The following GRM7 variants were observed in gnomAD, a reference collection of about 807,000 sequenced individuals.
The protein encoded by GRM7 is metabotropic glutamate receptor 7.
A neutral mutation model predicts 84.5 loss-of-function variants in GRM7; 35 were observed. The ratio of observed to expected loss-of-function variants is 0.41; its 90% CI spans 0.32 to 0.55. The LOEUF (loss-of-function observed/expected upper bound fraction) is 0.55. Ranked by LOEUF, GRM7 falls within the 20% of genes least tolerant of loss-of-function variation. The probability of loss-of-function intolerance (pLI) is 0.19; values close to 1 mark genes in which losing one functional copy is unlikely to be tolerated. For synonymous variants in GRM7, 487 were observed against 455.1 expected (o/e 1.07, Z -0.89); for missense variants, 1,003 against 1,194.6 (o/e 0.84, Z 2.36).
chr3:7,241,059 G>A (rs1697541641), intron 2 of GRM7, among the ~76,000 whole-genome samples: 1 of 152,100 alleles, frequency 6.6e-6, no homozygotes, highest in Non-Finnish European at 1.5e-5. Flanking sequence ...TCATGGTACA[G>A]CACTCAGAAC....
In GRM7 at chr3:7,070,604, T is replaced by C. The variant is rs1028641226; in HGVS notation, c.520-75848T>C. 2.0e-5 allele frequency among the ~76,000 whole-genome samples: 3 copies of C among 152,214 alleles called. No homozygotes were observed. The East Asian group carries it at 5.8e-4, about 30-fold the overall frequency. ...GAAATATCCGGATGACAATTTTTTT[T>C]AAAGTCACTACGGGGATATAACGGA... On this transcript the variant is annotated intron_variant, in intron 1 of 9. Transcript: ENST00000357716.
At chr3:7,406,432 G>A (rs571406167) in intron 4 of GRM7, among the ~76,000 whole-genome samples, 5 of 150,620 alleles carry the variant, frequency 3.3e-5, no homozygotes, top group East Asian at 3.9e-4. Flanking sequence ...CCCGGGGGAC[G>A]GAGCTTGCAG....
intron 6 of GRM7, among the ~76,000 whole-genome samples, chr3:7,461,287 TA>T (rs1698236642): frequency 1.3e-5 from 2 of 152,188 alleles, no homozygotes; most frequent in African/African-American, 4.8e-5. Flanking sequence ...AATTAATGCA[TA>T]TAGGTTTTAT....
intron 7 of GRM7, among the ~76,000 whole-genome samples, chr3:7,509,976 G>C (rs1700149540): frequency 6.6e-6 from 1 of 152,188 alleles, no homozygotes; most frequent in African/African-American, 2.4e-5. Flanking sequence ...ACATAAGCCA[G>C]TGTTATCTGT....
At chr3:7,551,376 A>T (rs1211897112) in intron 7 of GRM7, among the ~76,000 whole-genome samples, 1 of 152,114 alleles carries the variant, frequency 6.6e-6, no homozygotes, top group Non-Finnish European at 1.5e-5. Context: ...ACCCTGTGGG[A>T]ATTGAGACTT....
intron 1 of GRM7, among the ~76,000 whole-genome samples, chr3:7,047,439 C>T (rs777314183): frequency 7.2e-5 from 11 of 151,984 alleles, no homozygotes; most frequent in African/African-American, 1.4e-4. Flanking sequence ...TTAATGGAGT[C>T]GTATAGTCCA....
At chr3:7,495,976 G>A (rs1413456548) in intron 7 of GRM7, among the ~76,000 whole-genome samples, 1 of 152,196 alleles carries the variant, frequency 6.6e-6, no homozygotes, top group Non-Finnish European at 1.5e-5. Flanking sequence ...CTTGTCCAGA[G>A]AGAAAGTATA....
intron 1 of GRM7, among the ~76,000 whole-genome samples, chr3:7,055,751 C>T (rs1160771044): frequency 1.3e-5 from 2 of 151,864 alleles, no homozygotes; most frequent in African/African-American, 4.8e-5. Flanking sequence ...AAACTCCTGG[C>T]CTCAAACAAT....
At chr3:7,730,630 T>C (rs1483784356) in intron 9 of GRM7, among the ~76,000 whole-genome samples, 1 of 152,192 alleles carries the variant, frequency 6.6e-6, no homozygotes, top group East Asian at 1.9e-4. Flanking sequence ...TATCCAAAAA[T>C]AGCAAGACCT....
intron 2 of GRM7, among the ~76,000 whole-genome samples, chr3:7,200,348 G>T (rs1201307110): frequency 6.6e-6 from 1 of 152,202 alleles, no homozygotes; most frequent in South Asian, 2.1e-4. Context: ...ATCCAGGGAA[G>T]GGGGTTGGGA....
At chr3:7,209,537 G>A (rs774457955) in intron 2 of GRM7, among the ~76,000 whole-genome samples, 5 of 152,184 alleles carry the variant, frequency 3.3e-5, no homozygotes, top group African/African-American at 4.8e-5. Flanking sequence ...TTGATTGAAA[G>A]CTTTAAAAGA....
At chr3:7,265,978 G>A (rs910591374) in intron 2 of GRM7, among the ~76,000 whole-genome samples, 4 of 152,120 alleles carry the variant, frequency 2.6e-5, no homozygotes. Context: ...CAAGACTGTG[G>A]TCAGTGCTGG....
intron 2 of GRM7, among the ~76,000 whole-genome samples, chr3:7,166,877 A>G (rs1378275001): frequency 6.6e-6 from 1 of 152,194 alleles, no homozygotes; most frequent in Non-Finnish European, 1.5e-5. Flanking sequence ...GCTTTAGGAA[A>G]TGAATAAAAT....
At chr3:6,976,523 T>A (rs1267186036) in intron 1 of GRM7, among the ~76,000 whole-genome samples, 2 of 152,170 alleles carry the variant, frequency 1.3e-5, no homozygotes, top group Non-Finnish European at 2.9e-5. Context: ...ACTTATACAG[T>A]CATTGTAACT....
At chr3:7,102,226 A>G (rs749974436) in intron 1 of GRM7, among the ~76,000 whole-genome samples, 1 of 151,556 alleles carries the variant, frequency 6.6e-6, no homozygotes, top group African/African-American at 2.4e-5. Context: ...CTCAGCTTTT[A>G]TTATTTGTCT....
At chr3:6,931,180 G>T (rs1697486440) in intron 1 of GRM7, among the ~76,000 whole-genome samples, 1 of 152,212 alleles carries the variant, frequency 6.6e-6, no homozygotes, top group Non-Finnish European at 1.5e-5. Flanking sequence ...GTGCAAGACA[G>T]TATCATCTTG....
intron 1 of GRM7, among the ~76,000 whole-genome samples, chr3:6,876,255 G>A (rs1041573746): frequency 2.5e-4 from 38 of 151,624 alleles, no homozygotes; most frequent in Non-Finnish European, 4.9e-4. Flanking sequence ...GTGACAGAGC[G>A]AGGCTCCATC....
chr3:7,487,638 T>G (rs1209286070), intron 7 of GRM7, among the ~76,000 whole-genome samples: 4 of 152,208 alleles, frequency 2.6e-5, no homozygotes, highest in Non-Finnish European at 5.9e-5. Context: ...TGCCATTCAC[T>G]ACCAAGTGGT....
At chr3:7,678,964 G>C (rs1487838296) in intron 8 of GRM7, among the ~76,000 whole-genome samples, 1 of 151,976 alleles carries the variant, frequency 6.6e-6, no homozygotes, top group Non-Finnish European at 1.5e-5. Flanking sequence ...CAATAATAAT[G>C]TCCCAGAAAG....
Sources: allele counts gnomAD v4.1 joint callset (sites outside exome capture counted in the v4.1 genomes callset), GRCh38; gene constraint gnomAD v4.1.1; transcripts MANE v1.5; gene names NCBI Gene and HGNC (gene_info 2026-07-23, HGNC 2026-07-21).